SEPTIN9: variants seen among roughly 807,000 people sequenced by gnomAD.
SEPTIN9 encodes septin-9.
In SEPTIN9, 13 loss-of-function variants were observed where a neutral mutation model predicts 56.6. That is an observed-to-expected ratio of 0.23 (90% CI 0.15 to 0.37). SEPTIN9 has a LOEUF of 0.37. Among genes scored for constraint, SEPTIN9 ranks in the 10% least tolerant of loss-of-function variants. The pLI is 1.00. For missense variants in SEPTIN9, 650 were observed against 823.1 expected, an observed-to-expected ratio of 0.79 and a Z score of 2.57; for synonymous variants, 332 against 334.1, an observed-to-expected ratio of 0.99 and a Z score of 0.07.
chr17:77,384,428 G>A (rs1228495480), intron 2 of SEPTIN9, among the ~76,000 whole-genome samples: 3 of 151,968 alleles, frequency 2.0e-5, no homozygotes, highest in Non-Finnish European at 2.9e-5. Context: ...CGGGGAGGTG[G>A]GGGCAGGGTG....
Position 77,445,463 on chromosome 17 carries a change from G to T in SEPTIN9, c.722-36681G>T, listed in dbSNP as rs1249079702. 2.1e-6 allele frequency: 1 copy of T among 468,482 alleles called. No individual in the cohort carries two copies. The highest frequency in any genetic ancestry group is 1.6e-5 in the South Asian group (1 of 64,186). The allele number at this position is 468,482 out of a possible 1,614,324, so 29.0% of individuals were successfully genotyped here. A position where few individuals can be genotyped will look rare whatever the true frequency, so the allele number is the denominator to read the frequency against. ...CACAACCTGGCTTGGTGGTGGCCGA[G>T]GAGCTTGGCAGGAGCAGAGTGCAGG... On this transcript the variant is annotated intron_variant, in intron 3 of 11. Transcript: ENST00000427177. The surrounding 1 kb of genome is among the most constrained non-coding windows in gnomAD (Gnocchi z 4.7).
At chr17:77,408,446 G>T (rs897301113) in intron 3 of SEPTIN9, among the ~76,000 whole-genome samples, 12 of 152,156 alleles carry the variant, frequency 7.9e-5, no homozygotes, top group Admixed American at 6.5e-4. Context: ...AGGGGGTCAG[G>T]CCCCCCCGAG....
At chr17:77,336,152 G>A (rs1207735986) in intron 2 of SEPTIN9, among the ~76,000 whole-genome samples, 1 of 152,092 alleles carries the variant, frequency 6.6e-6, no homozygotes, top group African/African-American at 2.4e-5. Context: ...TGATTAATGT[G>A]GCTTTACAGT....
At chr17:77,373,293 G>GGGCGCAGCGCGCGGGGAGGGGCC in intron 2 of SEPTIN9, 1 of 1,158,342 alleles carries the variant, frequency 8.6e-7, no homozygotes, top group Non-Finnish European at 1.1e-6. Context: ...GGCGGGGCGG[G>GGGCGCAGCGCGCGGGGAGGGGCC]GGCGCAGCGC....
chr17:77,459,547 A>AC (rs200690755), intron 3 of SEPTIN9, among the ~76,000 whole-genome samples: 2,443 of 152,120 alleles, frequency 0.016, 69 homozygotes, highest in African/African-American at 0.056. Flanking sequence ...AGTTGCTATA[A>AC]GGAATAGCCG....
chr17:77,475,913 G>T lies in SEPTIN9; in HGVS notation c.722-6231G>T, dbSNP rs543682467. 18 of 1,604,450 alleles carry T rather than the reference G, an allele frequency of 1.1e-5. No individual in the cohort carries two copies. In the East Asian group the frequency reaches 4.0e-4, roughly 36 times the overall value. ...GGCAGTGACAGACAAGGTGTGTGGGGATGTGGCCATTTCGGTCCGTGCTCT... is the reference window on the plus strand; with the variant it reads ...GGCAGTGACAGACAAGGTGTGTGGGTATGTGGCCATTTCGGTCCGTGCTCT... On this transcript the variant is annotated intron_variant, in intron 3 of 11. Transcript: ENST00000427177. The surrounding 1 kb of genome is among the most constrained non-coding windows in gnomAD (Gnocchi z 4.6).
Position 77,319,794 on chromosome 17 carries a change from A to G in SEPTIN9, c.76+12597A>G. 9.3e-7 allele frequency: 1 copy of G among 1,074,950 alleles called. No individual in the cohort carries two copies. The highest frequency in any genetic ancestry group is 1.1e-6 in the Non-Finnish European group (1 of 884,300). 66.6% of individuals were successfully genotyped at this position (1,074,950 alleles called of 1,614,324 possible). A position where few individuals can be genotyped will look rare whatever the true frequency, so the allele number is the denominator to read the frequency against. On this transcript the variant is annotated intron_variant, in intron 2 of 11. Transcript: ENST00000427177. The surrounding 1 kb of genome is among the most constrained non-coding windows in gnomAD (Gnocchi z 5.3). ...TGAAAGACTTTGGAAGTCGTCAGGA[A>G]TTTGACTCTGTGAGTTGGTTTCCAA...
At chr17:77,469,233 G>A (rs187567322) in intron 3 of SEPTIN9, 1 of 153,024 alleles carries the variant, frequency 6.5e-6, no homozygotes, top group Admixed American at 6.5e-5. Flanking sequence ...GGGCTCTCAA[G>A]GCACCAGGAC....
chr17:77,372,093 C>T (rs561098781), intron 2 of SEPTIN9, among the ~76,000 whole-genome samples: 8 of 151,940 alleles, frequency 5.3e-5, no homozygotes, highest in Non-Finnish European at 1.0e-4. Context: ...TTCAAGGGAC[C>T]GGAGTGCAGT....
At chr17:77,302,997 A>G (rs1418311623) in intron 1 of SEPTIN9, among the ~76,000 whole-genome samples, 1 of 151,984 alleles carries the variant, frequency 6.6e-6, no homozygotes, top group East Asian at 1.9e-4. Context: ...CTGGCTTGTG[A>G]GCACTGCATT....
intron 2 of SEPTIN9, among the ~76,000 whole-genome samples, chr17:77,340,574 G>A (rs140106807): frequency 2.0e-5 from 3 of 152,270 alleles, no homozygotes; most frequent in East Asian, 1.9e-4. Flanking sequence ...TTTTTGGAAC[G>A]GTCAATGAGT....
intron 3 of SEPTIN9, among the ~76,000 whole-genome samples, chr17:77,440,621 C>G (rs934375117): frequency 3.3e-5 from 5 of 152,354 alleles, no homozygotes; most frequent in African/African-American, 1.2e-4. Context: ...CTCCCTTCCT[C>G]TTGGCTCCCT....
intron 1 of SEPTIN9, among the ~76,000 whole-genome samples, chr17:77,302,178 G>GA (rs1300599423): frequency 6.6e-6 from 1 of 152,158 alleles, no homozygotes; most frequent in East Asian, 1.9e-4. Context: ...CCAGGTAAAA[G>GA]AAAAAATAGC....
At position 77,323,041 on chromosome 17, in the gene SEPTIN9, G is replaced by C. The variant is rs926391248; in HGVS notation, c.76+15844G>C. On this transcript the variant is annotated intron_variant, in intron 2 of 11. Coordinates refer to ENST00000427177, the MANE Select transcript of SEPTIN9 (RefSeq NM_001113491.2). This position sits in a 1 kb window ranked among gnomAD's most constrained non-coding sequence, Gnocchi z 6.8. Reference sequence around the variant, plus strand: ...CCAGGAAGGGTTTGTGGGAGGGGGTGGTCCTACCCTGGTGAGTCCACGGTG... The same window carrying C: ...CCAGGAAGGGTTTGTGGGAGGGGGTCGTCCTACCCTGGTGAGTCCACGGTG... 1.0e-4 allele frequency: 16 copies of C among 152,496 alleles called. No individual in the cohort carries two copies. The highest frequency in any genetic ancestry group is 2.1e-4 in the Non-Finnish European group (14 of 68,252). The allele number at this position is 152,496 out of a possible 1,614,324, so 9.4% of individuals were successfully genotyped here. A position where few individuals can be genotyped will look rare whatever the true frequency, so the allele number is the denominator to read the frequency against.
chr17:77,406,859 CGGG>C (rs962688762), intron 3 of SEPTIN9, among the ~76,000 whole-genome samples: 42 of 152,056 alleles, frequency 2.8e-4, no homozygotes, highest in African/African-American at 9.6e-4. Context: ...TTAGTAGAGA[CGGG>C]GTTTCACCAT....
chr17:77,457,815 C>T (rs892903400), intron 3 of SEPTIN9, among the ~76,000 whole-genome samples: 1 of 152,268 alleles, frequency 6.6e-6, no homozygotes, highest in Non-Finnish European at 1.5e-5. Flanking sequence ...AGTGAAGTCA[C>T]TATGACGTGT....
intron 2 of SEPTIN9, chr17:77,373,574 G>A: frequency 6.5e-7 from 1 of 1,542,182 alleles, no homozygotes; most frequent in Non-Finnish European, 8.7e-7. Flanking sequence ...GCTGGCTGCT[G>A]CGGCCGCGGA....
At chr17:77,388,532 C>T (rs2035418781) in intron 2 of SEPTIN9, among the ~76,000 whole-genome samples, 1 of 152,220 alleles carries the variant, frequency 6.6e-6, no homozygotes, top group Non-Finnish European at 1.5e-5. Context: ...TCTGCCGTCA[C>T]CTCCAGCCCA....
chr17:77,365,428 T>G (rs2034544242), intron 2 of SEPTIN9, among the ~76,000 whole-genome samples: 1 of 152,100 alleles, frequency 6.6e-6, no homozygotes, highest in Non-Finnish European at 1.5e-5. Context: ...TCTTTCCCCC[T>G]TTCTCTGTCT....
Sources: gnomAD v4.1 joint callset for allele counts (sites outside exome capture counted in the v4.1 genomes callset) on GRCh38, gnomAD v4.1.1 for gene constraint, Gnocchi (gnomAD v3.1) non-coding constraint, MANE v1.5 for transcripts, NCBI Gene and HGNC (gene_info 2026-07-23, HGNC 2026-07-21) for gene names.